ADCY9: variants seen among roughly 807,000 people sequenced by gnomAD.
The protein encoded by ADCY9 is adenylate cyclase 9.
In ADCY9, 50 loss-of-function variants were observed where a neutral mutation model predicts 101.5. The observed-to-expected ratio is 0.49, with a 90% CI of 0.39 to 0.62. The LOEUF is 0.62. Ranked by LOEUF, ADCY9 falls within the 20% of genes least tolerant of loss-of-function variation. The pLI is 0.00. For missense variants in ADCY9, 1,662 were observed against 1,800.4 expected (o/e 0.92, Z 1.39); for synonymous variants, 905 against 769.3 (o/e 1.18, Z -2.92).
Position 4,011,309 on chromosome 16 carries a change from C to A in ADCY9, c.1694-3751G>T, listed in dbSNP as rs564832615. 4.6e-5 allele frequency among the ~76,000 whole-genome samples: 7 copies of A among 152,256 alleles called. 1 individual carries two copies. In the East Asian group the frequency reaches 5.8e-4, roughly 13 times the overall value. On this transcript the variant is annotated intron_variant, in intron 2 of 10. Coordinates refer to ENST00000294016, the MANE Select transcript of ADCY9 (RefSeq NM_001116.4). Reference sequence around the variant, plus strand: ...TGTGGAGGGAATGGCCAGGGCTGAGCCACAGCACCTGTGCAGGGCACTGTG... The same window carrying A: ...TGTGGAGGGAATGGCCAGGGCTGAGACACAGCACCTGTGCAGGGCACTGTG...
intron 2 of ADCY9, among the ~76,000 whole-genome samples, chr16:4,056,961 G>T (rs1049488927): frequency 1.3e-5 from 2 of 149,708 alleles, no homozygotes; most frequent in Admixed American, 6.8e-5. Context: ...TGCCAGGCCT[G>T]CCATGACACA....
intron 2 of ADCY9, among the ~76,000 whole-genome samples, chr16:4,013,261 A>AAG (rs1189968717): frequency 6.7e-6 from 1 of 150,096 alleles, no homozygotes; most frequent in Non-Finnish European, 1.5e-5. Context: ...AAAAAAAAGA[A>AAG]AAAGAAAAAC....
intron 6 of ADCY9, chr16:3,983,863 C>T (rs2056167992): frequency 1.2e-5 from 2 of 172,120 alleles, no homozygotes; most frequent in Non-Finnish European, 2.5e-5. Flanking sequence ...AGTTTCAGGC[C>T]GCAGTGAGCT....
rs1302863563 is a variant in ADCY9, at chr16:3,963,171, C to G, written c.*2604G>C. On this transcript the variant is annotated 3_prime_UTR_variant, in exon 11 of 11. Coordinates refer to ENST00000294016, the MANE Select transcript of ADCY9 (RefSeq NM_001116.4). ...ATATATAATTCGATCTGAGCTGGGACTGAGAAGAAAATAGCAATTGCAACT... is the reference window on the plus strand; with the variant it reads ...ATATATAATTCGATCTGAGCTGGGAGTGAGAAGAAAATAGCAATTGCAACT... The G allele has an allele frequency of 3.4e-6, 1 of 291,714 alleles. No individual in the cohort carries two copies. Among genetic ancestry groups the G allele is most frequent in the African/African-American group, 2.5e-5 (1 of 39,724 alleles). The allele number at this position is 291,714 out of a possible 1,614,324, so 18.1% of individuals were successfully genotyped here. A position where few individuals can be genotyped will look rare whatever the true frequency, so the allele number is the denominator to read the frequency against.
chr16:4,087,260 C>T (rs1218726520), intron 2 of ADCY9, among the ~76,000 whole-genome samples: 8 of 151,870 alleles, frequency 5.3e-5, no homozygotes, highest in Non-Finnish European at 2.9e-5. Context: ...GAAGGCCGGG[C>T]ACGGTGGCTC....
chr16:4,051,282 T>C (rs1481595596), intron 2 of ADCY9, among the ~76,000 whole-genome samples: 1 of 151,032 alleles, frequency 6.6e-6, no homozygotes, highest in Admixed American at 6.6e-5. Context: ...TCCCAACACT[T>C]TGGGAGGCTG....
At chr16:4,041,755 G>GTT (rs35300888) in intron 2 of ADCY9, among the ~76,000 whole-genome samples, 8 of 135,956 alleles carry the variant, frequency 5.9e-5, no homozygotes, top group African/African-American at 1.1e-4. Context: ...GATTTTTTTT[G>GTT]TTTTTTTTTT....
At chr16:4,112,446 G>T (rs1379849494) in intron 2 of ADCY9, among the ~76,000 whole-genome samples, 5 of 152,118 alleles carry the variant, frequency 3.3e-5, no homozygotes, top group African/African-American at 1.2e-4. Flanking sequence ...AGATACAGGA[G>T]CTCAGATCAC....
At chr16:3,986,428 G>A (rs150504945) in intron 6 of ADCY9, among the ~76,000 whole-genome samples, 12 of 152,192 alleles carry the variant, frequency 7.9e-5, no homozygotes, top group African/African-American at 2.6e-4. Context: ...ATCACCCTCC[G>A]AAACTCAGCT....
At chr16:4,060,090 G>C (rs548607938) in intron 2 of ADCY9, among the ~76,000 whole-genome samples, 69 of 152,190 alleles carry the variant, frequency 4.5e-4, no homozygotes, top group African/African-American at 1.6e-3. Flanking sequence ...ATTTGGAGGA[G>C]AGCACATGCC....
chr16:4,097,481 T>TACACAC (rs1221883313), intron 2 of ADCY9, among the ~76,000 whole-genome samples: 34 of 56,214 alleles, frequency 6.0e-4, no homozygotes, highest in African/African-American at 8.3e-4. Flanking sequence ...TATATATATA[T>TACACAC]ATATATACAC....
At chr16:4,083,850 G>A (rs1262398821) in intron 2 of ADCY9, among the ~76,000 whole-genome samples, 1 of 152,066 alleles carries the variant, frequency 6.6e-6, no homozygotes, top group Admixed American at 6.5e-5. Context: ...GCCAGGGGCT[G>A]GGAGCACTGG....
chr16:3,975,794 C>G (rs2056088050), intron 9 of ADCY9, among the ~76,000 whole-genome samples: 1 of 151,984 alleles, frequency 6.6e-6, no homozygotes, highest in African/African-American at 2.4e-5. Context: ...TAGGAAAAGC[C>G]CAATATTTGG....
chr16:4,045,907 A>G (rs2056660661), intron 2 of ADCY9, among the ~76,000 whole-genome samples: 1 of 122,298 alleles, frequency 8.2e-6, no homozygotes, highest in South Asian at 2.4e-4. Flanking sequence ...ATGAGGTTTC[A>G]TCATGTTGCC....
At chr16:4,096,280 A>G (rs1184703091) in intron 2 of ADCY9, among the ~76,000 whole-genome samples, 2 of 152,212 alleles carry the variant, frequency 1.3e-5, no homozygotes, top group Non-Finnish European at 2.9e-5. Context: ...CTATGTCCCA[A>G]TCACGTGAGA....
chr16:4,058,478 A>G (rs1179635509), intron 2 of ADCY9, among the ~76,000 whole-genome samples: 1 of 151,968 alleles, frequency 6.6e-6, no homozygotes, highest in Non-Finnish European at 1.5e-5. Flanking sequence ...AAAAAAAAAA[A>G]AAAAAGAAGA....
intron 2 of ADCY9, among the ~76,000 whole-genome samples, chr16:4,097,656 C>T (rs2057017134): frequency 6.8e-6 from 1 of 147,250 alleles, no homozygotes; most frequent in South Asian, 2.2e-4. Context: ...AAGAGATTCT[C>T]CTGCCTCAGC....
chr16:3,992,614 C>G lies in ADCY9; in HGVS notation c.1990-251G>C, dbSNP rs55907416. 6.6e-6 allele frequency among the ~76,000 whole-genome samples: 1 copy of G among 152,068 alleles called. No individual in the cohort carries two copies. Among genetic ancestry groups the G allele is most frequent in the Non-Finnish European group, 1.5e-5 (1 of 68,030 alleles). Reference sequence around the variant, plus strand: ...ACGCTGGGTGTTCAGGCTGCCAGGACATTGAGACATGGGAAGAGTCGGTGC... The same window carrying G: ...ACGCTGGGTGTTCAGGCTGCCAGGAGATTGAGACATGGGAAGAGTCGGTGC... On this transcript the variant is annotated intron_variant, in intron 4 of 10. Transcript: ENST00000294016. The surrounding 1 kb of genome is among the most constrained non-coding windows in gnomAD (Gnocchi z 4.2).
chr16:3,992,848 C>G lies in ADCY9; in HGVS notation c.1990-485G>C, dbSNP rs542211714. On this transcript the variant is annotated intron_variant, in intron 4 of 10. Coordinates refer to ENST00000294016, the MANE Select transcript of ADCY9 (RefSeq NM_001116.4). The surrounding 1 kb of genome is among the most constrained non-coding windows in gnomAD (Gnocchi z 4.2). ...GTGGCTGTGGGAAGGCATGGGATGA[C>G]CTGCACCTGCAATCCTTTGGCAGAT... Among the ~76,000 whole-genome samples, 6 of 152,190 alleles carry G rather than the reference C, an allele frequency of 3.9e-5. No homozygotes were observed. The highest frequency in any genetic ancestry group is 1.4e-4 in the African/African-American group (6 of 41,524).
Sources: allele counts gnomAD v4.1 joint callset (sites outside exome capture counted in the v4.1 genomes callset), GRCh38; gene constraint gnomAD v4.1.1; non-coding constraint Gnocchi (gnomAD v3.1); transcripts MANE v1.5; gene names NCBI Gene and HGNC (gene_info 2026-07-23, HGNC 2026-07-21).